LGR5: variants seen among roughly 807,000 people sequenced by gnomAD.
LGR5 encodes the protein leucine rich repeat containing G protein-coupled receptor 5, also known as leucine-rich repeat-containing G protein-coupled receptor 5.
LGR5 carries 54 observed loss-of-function variants against 76.7 expected under a neutral mutation model. The ratio of observed to expected loss-of-function variants is 0.70; its 90% CI spans 0.57 to 0.88. The LOEUF (loss-of-function observed/expected upper bound fraction) is 0.88, where lower values mean the gene tolerates loss of function less well. LGR5 is among the 40% of genes least tolerant of loss of function. The pLI is 0.00. For missense variants in LGR5, 1,078 were observed against 1,073.3 expected (o/e 1.00, Z -0.06); for synonymous variants, 406 against 421.9 (o/e 0.96, Z 0.46).
chr12:71,575,790 T>C (rs949299079), intron 13 of LGR5, among the ~76,000 whole-genome samples: 2 of 151,888 alleles, frequency 1.3e-5, no homozygotes, highest in Non-Finnish European at 2.9e-5. Context: ...CATGCACACA[T>C]ATGTTCATTG....
chr12:71,564,762 A>AG (rs1376162774), intron 8 of LGR5, among the ~76,000 whole-genome samples: 2 of 147,158 alleles, frequency 1.4e-5, no homozygotes, highest in East Asian at 2.0e-4. Context: ...ACATATATAC[A>AG]TATATGTACA....
chr12:71,481,674 G>T (rs1011484021), intron 1 of LGR5, among the ~76,000 whole-genome samples: 34 of 152,240 alleles, frequency 2.2e-4, no homozygotes, highest in Non-Finnish European at 2.1e-4. Context: ...GGCATGAAAG[G>T]GTCCCAGGGT....
chr12:71,443,579 T>G (rs1011218125), intron 1 of LGR5, among the ~76,000 whole-genome samples: 7 of 152,238 alleles, frequency 4.6e-5, no homozygotes, highest in African/African-American at 1.4e-4. Flanking sequence ...TAATACCAGT[T>G]GTGATCTGTC....
chr12:71,517,819 T>C (rs1875519732), intron 2 of LGR5, among the ~76,000 whole-genome samples: 2 of 152,388 alleles, frequency 1.3e-5, no homozygotes, highest in South Asian at 4.1e-4. Flanking sequence ...TTATACATTA[T>C]ACATCGCATT....
In LGR5 at chr12:71,583,843, C is replaced by T. The variant is rs762473610; in HGVS notation, c.1833C>T (p.Ala611=). ...ACATGCTCACGGGAGTCTCCAGTGC[C>T]GTGCTGGCTGGTGTGGATGCGTTCA... ...AVNMLTGVSS[A]VLAGVDAFTF... The change falls in exon 18 of 18, where the codon GCC becomes GCT. Residue 611 remains alanine (A), a synonymous_variant. Transcript: ENST00000266674. 63 of 1,614,104 alleles carry T rather than the reference C, an allele frequency of 3.9e-5. No homozygotes were observed. Among genetic ancestry groups the T allele is most frequent in the East Asian group, 6.7e-5 (3 of 44,872 alleles).
At chr12:71,573,960 A>C (rs1418444903) in intron 13 of LGR5, among the ~76,000 whole-genome samples, 1 of 151,610 alleles carries the variant, frequency 6.6e-6, no homozygotes, top group Non-Finnish European at 1.5e-5. Flanking sequence ...TCCTTTTACT[A>C]AGGGTTACTA....
At chr12:71,480,684 G>T (rs1445541748) in intron 1 of LGR5, among the ~76,000 whole-genome samples, 2 of 152,160 alleles carry the variant, frequency 1.3e-5, no homozygotes, top group African/African-American at 4.8e-5. Flanking sequence ...CTATGGAAAG[G>T]TTTAGAGAGA....
At chr12:71,550,449 C>T (rs1308492813) in intron 4 of LGR5, among the ~76,000 whole-genome samples, 1 of 142,708 alleles carries the variant, frequency 7.0e-6, no homozygotes, top group African/African-American at 2.5e-5. Flanking sequence ...TTTTAGAAAC[C>T]ACTCATACTT....
rs1204070178 is a variant in LGR5 at position 71,585,385 on chromosome 12, G to A, written c.*651G>A. ...AGCACTAGATGGTTCCACCCTCATG[G>A]GATAAAACTGCTTACAAGTATTTTG... On this transcript the variant is annotated 3_prime_UTR_variant, in exon 18 of 18. Coordinates refer to ENST00000266674, the MANE Select transcript of LGR5 (RefSeq NM_003667.4). The A allele has an allele frequency of 6.6e-6, 1 of 152,118 alleles. No individual in the cohort carries two copies. The highest frequency in any genetic ancestry group is 1.5e-5 in the Non-Finnish European group (1 of 68,032). The allele number at this position is 152,118 out of a possible 1,614,324, so 9.4% of individuals were successfully genotyped here.
At chr12:71,537,425 A>G (rs1876651269) in intron 4 of LGR5, among the ~76,000 whole-genome samples, 1 of 152,130 alleles carries the variant, frequency 6.6e-6, no homozygotes. Flanking sequence ...ACAGTGAGCT[A>G]TATCATGCCA....
rs1878681007 is a variant in LGR5 at position 71,572,928 on chromosome 12, A to G, written c.1208+7A>G. The G allele has an allele frequency of 6.2e-7, 1 of 1,606,976 alleles. No individual in the cohort carries two copies. The highest frequency in any genetic ancestry group is 8.5e-7 in the Non-Finnish European group (1 of 1,173,622). On this transcript the variant is annotated splice_region_variant and intron_variant, in intron 13 of 17. Transcript: ENST00000266674. ...TGCTTAGCCTCCGATCGCTGTGAGT[A>G]TCACCTCCCAGTGCGTTCCCCAGCA...
chr12:71,471,445 C>T (rs752118455), intron 1 of LGR5, among the ~76,000 whole-genome samples: 23 of 152,156 alleles, frequency 1.5e-4, no homozygotes, highest in Non-Finnish European at 2.9e-4. Flanking sequence ...GATTATGTTG[C>T]TTACAGCTGA....
intron 13 of LGR5, among the ~76,000 whole-genome samples, chr12:71,575,542 C>G (rs1407213689): frequency 6.6e-6 from 1 of 152,042 alleles, no homozygotes; most frequent in African/African-American, 2.4e-5. Flanking sequence ...AACCCTGTCT[C>G]TACTAAAAAT....
chr12:71,556,627 A>C lies in LGR5; in HGVS notation c.653A>C (p.His218Pro), dbSNP rs117535164. 6.2e-7 allele frequency: 1 copy of C among 1,608,750 alleles called. No individual in the cohort carries two copies. Among genetic ancestry groups the C allele is most frequent in the East Asian group, 2.2e-5 (1 of 44,840 alleles). ...GTAATGTTCTACTGCAGACATCTCC[A>C]TAACAATAGAATCCACTCCCTGGGA... The part of the protein sequence containing the change: ...NLSSLVVLHL[H>P]NNRIHSLGKK... Residue 218 changes from histidine to proline, a missense_variant, in exon 6 of 18, where the codon CAT becomes CCT. Transcript: ENST00000266674.
intron 5 of LGR5, among the ~76,000 whole-genome samples, chr12:71,554,859 T>C (rs1877678123): frequency 6.6e-6 from 1 of 152,216 alleles, no homozygotes; most frequent in Non-Finnish European, 1.5e-5. Flanking sequence ...TGAAAAATAA[T>C]CAGTTTTCTT....
At chr12:71,493,055 T>G (rs1323849284) in intron 1 of LGR5, among the ~76,000 whole-genome samples, 1 of 151,326 alleles carries the variant, frequency 6.6e-6, no homozygotes, top group Non-Finnish European at 1.5e-5. Context: ...AGCAGAAAAT[T>G]TTCCCTGCTG....
At chr12:71,519,421 C>T (rs961732151) in intron 2 of LGR5, among the ~76,000 whole-genome samples, 1 of 152,074 alleles carries the variant, frequency 6.6e-6, no homozygotes, top group African/African-American at 2.4e-5. Flanking sequence ...TATTTAATGA[C>T]TATCTTGTCA....
chr12:71,447,376 T>C (rs113115139), intron 1 of LGR5, among the ~76,000 whole-genome samples: 6,373 of 152,302 alleles, frequency 0.042, 201 homozygotes, highest in Non-Finnish European at 0.063. Context: ...ATTAACCTGA[T>C]ATACATTAAT....
At chr12:71,497,101 C>A (rs770981245) in intron 1 of LGR5, among the ~76,000 whole-genome samples, 1 of 151,870 alleles carries the variant, frequency 6.6e-6, no homozygotes, top group East Asian at 1.9e-4. Context: ...ATCAACTGAG[C>A]CAAGGAGTTC....
Sources: allele counts gnomAD v4.1 joint callset (sites outside exome capture counted in the v4.1 genomes callset), GRCh38; gene constraint gnomAD v4.1.1; transcripts MANE v1.5; gene names NCBI Gene and HGNC (gene_info 2026-07-23, HGNC 2026-07-21).